LINGO2: variants seen among roughly 807,000 people sequenced by gnomAD.
The protein encoded by LINGO2 is leucine rich repeat and Ig domain containing 2.
Under a neutral mutation model 30.6 loss-of-function variants are expected in LINGO2, and 14 were observed. The observed-to-expected ratio is 0.46, with a 90% CI of 0.30 to 0.72. LINGO2 has a LOEUF of 0.72. Ranked by LOEUF, LINGO2 falls within the 30% of genes least tolerant of loss-of-function variation. The pLI, the probability that LINGO2 is intolerant of heterozygous loss-of-function variation, is 0.07. For synonymous variants in LINGO2, 317 were observed against 288.5 expected (o/e 1.10, Z -1.00); for missense variants, 729 against 751.7 (o/e 0.97, Z 0.35).
At chr9:29,055,371 T>C in the LINGO2 span, among the ~76,000 whole-genome samples, 14 of 152,322 alleles carry the variant, frequency 9.2e-5, no homozygotes, top group African/African-American at 3.1e-4. Flanking sequence ...TTATTGCATA[T>C]GGCAGGATTT....
intron 1 of LINGO2, among the ~76,000 whole-genome samples, chr9:28,612,036 T>TG (rs1356517589): frequency 6.6e-6 from 1 of 151,928 alleles, no homozygotes; most frequent in Non-Finnish European, 1.5e-5. Flanking sequence ...CCCAAAGTGC[T>TG]GGGATTACAG....
chr9:27,984,128 T>G (rs1362605106), intron 5 of LINGO2, among the ~76,000 whole-genome samples: 2 of 151,866 alleles, frequency 1.3e-5, no homozygotes, highest in Non-Finnish European at 2.9e-5. Flanking sequence ...TACCAGAGAT[T>G]TGTGGTCCCT....
the LINGO2 span, among the ~76,000 whole-genome samples, chr9:28,941,359 A>G: frequency 6.6e-6 from 1 of 152,116 alleles, no homozygotes; most frequent in Non-Finnish European, 1.5e-5. Context: ...GAAACAAACG[A>G]TACCCTATTC....
the LINGO2 span, among the ~76,000 whole-genome samples, chr9:28,850,332 T>G: frequency 6.6e-6 from 1 of 151,976 alleles, no homozygotes. Context: ...GACGGAGAGA[T>G]ATAGCTGAGT....
the LINGO2 span, among the ~76,000 whole-genome samples, chr9:28,983,432 C>G: frequency 6.7e-6 from 1 of 150,326 alleles, no homozygotes; most frequent in South Asian, 2.1e-4. Flanking sequence ...AAAACTAATA[C>G]AAAGTGAGTA....
At chr9:28,699,334 G>A in the LINGO2 span, among the ~76,000 whole-genome samples, 2 of 152,042 alleles carry the variant, frequency 1.3e-5, no homozygotes, top group African/African-American at 2.4e-5. Flanking sequence ...CTGCGGCAGA[G>A]GAACATAAAT....
the LINGO2 span, among the ~76,000 whole-genome samples, chr9:28,848,700 A>AACCAAAT: frequency 6.6e-6 from 1 of 151,614 alleles, no homozygotes; most frequent in Admixed American, 6.6e-5. Context: ...CATGAGAGTG[A>AACCAAAT]AAGGCCAAAG....
chr9:28,168,341 G>T (rs190792918), intron 4 of LINGO2, among the ~76,000 whole-genome samples: 13 of 152,288 alleles, frequency 8.5e-5, no homozygotes. Flanking sequence ...GATGCCTACC[G>T]TAGGGCTCTG....
chr9:28,331,655 G>A (rs1355466382), intron 3 of LINGO2, among the ~76,000 whole-genome samples: 4 of 151,986 alleles, frequency 2.6e-5, no homozygotes, highest in Admixed American at 6.6e-5. Flanking sequence ...ACAGGCACAC[G>A]CCACCATGCC....
chr9:28,512,060 G>A (rs1348317614), intron 1 of LINGO2, among the ~76,000 whole-genome samples: 2 of 92,080 alleles, frequency 2.2e-5, no homozygotes, highest in Admixed American at 9.9e-5. Flanking sequence ...GAGGCCATGG[G>A]CATTTGAGCC....
At chr9:28,450,442 T>G (rs1824604506) in intron 2 of LINGO2, among the ~76,000 whole-genome samples, 1 of 151,974 alleles carries the variant, frequency 6.6e-6, no homozygotes, top group Admixed American at 6.6e-5. Flanking sequence ...ATTAAAGCAG[T>G]TTTGGAGGAG....
intron 3 of LINGO2, among the ~76,000 whole-genome samples, chr9:28,337,971 A>T (rs1483878923): frequency 6.6e-6 from 1 of 152,120 alleles, no homozygotes; most frequent in African/African-American, 2.4e-5. Flanking sequence ...TGGTGGAGCT[A>T]TGAGAAGACA....
the LINGO2 span, among the ~76,000 whole-genome samples, chr9:28,885,570 T>C: frequency 8.6e-5 from 13 of 151,574 alleles, no homozygotes; most frequent in Non-Finnish European, 1.5e-4. Flanking sequence ...AATTGCATAG[T>C]TAAAGTGTGT....
intron 2 of LINGO2, among the ~76,000 whole-genome samples, chr9:28,451,673 T>C (rs1412263739): frequency 6.6e-6 from 1 of 151,768 alleles, no homozygotes; most frequent in Non-Finnish European, 1.5e-5. Context: ...AAATTTCGGA[T>C]GGTAAATCTA....
At chr9:28,548,416 T>A (rs1822066624) in intron 1 of LINGO2, among the ~76,000 whole-genome samples, 1 of 151,880 alleles carries the variant, frequency 6.6e-6, no homozygotes, top group African/African-American at 2.4e-5. Context: ...CATTCAAGAA[T>A]TATTTGGGGC....
At chr9:28,860,906 T>A in the LINGO2 span, among the ~76,000 whole-genome samples, 2 of 142,924 alleles carry the variant, frequency 1.4e-5, no homozygotes, top group African/African-American at 2.6e-5. Flanking sequence ...TAAATAAGAC[T>A]TAAGCTCTAG....
At chr9:28,351,687 G>A (rs1819900971) in intron 3 of LINGO2, among the ~76,000 whole-genome samples, 1 of 150,812 alleles carries the variant, frequency 6.6e-6, no homozygotes, top group African/African-American at 2.4e-5. Context: ...GCCAGGCAGA[G>A]ACACAACAAA....
intron 4 of LINGO2, among the ~76,000 whole-genome samples, chr9:28,041,982 G>A (rs1824218003): frequency 6.6e-6 from 1 of 152,136 alleles, no homozygotes; most frequent in South Asian, 2.1e-4. Context: ...TTAGCTCTGT[G>A]ACTTCCTAAG....
At chr9:28,618,104 G>A (rs1826222543) in intron 1 of LINGO2, among the ~76,000 whole-genome samples, 1 of 152,096 alleles carries the variant, frequency 6.6e-6, no homozygotes, top group Non-Finnish European at 1.5e-5. Context: ...TTTTGATTAT[G>A]AGATAAAACT....
Sources: allele counts gnomAD v4.1 joint callset (sites outside exome capture counted in the v4.1 genomes callset), GRCh38; gene constraint gnomAD v4.1.1; transcripts MANE v1.5; gene names NCBI Gene and HGNC (gene_info 2026-07-23, HGNC 2026-07-21).